Variants in RAB4B observed in about 807,000 individuals in gnomAD.
RAB4B encodes the protein RAB4B, member RAS oncogene family.
RAB4B carries 15 observed loss-of-function variants against 28.3 expected under a neutral mutation model. The observed-to-expected ratio is 0.53, with a 90% confidence interval of 0.35 to 0.82. The LOEUF is 0.82. RAB4B is among the 40% of genes least tolerant of loss of function. The pLI is 0.01. For synonymous variants in RAB4B, 108 were observed against 116.3 expected, an observed-to-expected ratio of 0.93 and a Z score of 0.46; for missense variants, 244 against 288.5, an observed-to-expected ratio of 0.85 and a Z score of 1.12.
chr19:40,780,210 G>A (rs1400006385), intron 2 of RAB4B, 111 bp downstream of exon 2: 4 of 1,516,214 alleles, frequency 2.6e-6, no homozygotes, highest in East Asian at 4.5e-5. Flanking sequence ...CAAGTCCAGT[G>A]CTGGCTTTTT....
intron 1 of RAB4B, 72 bp from the exon 2 acceptor site, chr19:40,779,947 T>C: frequency 6.2e-7 from 1 of 1,609,480 alleles, no homozygotes; most frequent in East Asian, 2.2e-5. Context: ...AGAGATTGGA[T>C]TGGAATCCAT....
intron 7 of RAB4B, among the ~76,000 whole-genome samples, chr19:40,788,345 G>A (rs764146222): frequency 6.6e-6 from 1 of 151,788 alleles, no homozygotes; most frequent in African/African-American, 2.4e-5. Flanking sequence ...TTAGCGAGGC[G>A]TGGTGGTGTG....
intron 5 of RAB4B, chr19:40,785,852 GAC>G (rs1296976118): frequency 6.5e-6 from 1 of 154,822 alleles, no homozygotes; most frequent in Non-Finnish European, 1.4e-5. Context: ...TCCAGACAGT[GAC>G]ACCTCAGGAA....
intron 7 of RAB4B, among the ~76,000 whole-genome samples, chr19:40,795,273 C>T (rs1203162986): frequency 1.3e-5 from 2 of 151,508 alleles, no homozygotes; most frequent in African/African-American, 4.9e-5. Flanking sequence ...ACTAACCTAA[C>T]GTTGTCTCCC....
chr19:40,781,660 G>A (rs936779731), intron 3 of RAB4B, among the ~76,000 whole-genome samples: 3 of 151,790 alleles, frequency 2.0e-5, no homozygotes, highest in East Asian at 1.9e-4. Context: ...AGAGAAATGC[G>A]TAGGGCTCAA....
chr19:40,789,108 T>A (rs2083132178), intron 7 of RAB4B, among the ~76,000 whole-genome samples: 1 of 151,814 alleles, frequency 6.6e-6, no homozygotes, highest in Non-Finnish European at 1.5e-5. Context: ...TTGGCCAGGC[T>A]GGTATCAAAC....
intron 2 of RAB4B, 137 bp from the exon 3 acceptor site, chr19:40,780,248 C>T (rs2083034154): frequency 6.9e-7 from 1 of 1,439,960 alleles, no homozygotes; most frequent in Admixed American, 2.4e-5. Flanking sequence ...ATGTCCTTTA[C>T]TAGGTTCTCC....
chr19:40,789,820 A>T (rs2083140297), intron 7 of RAB4B, among the ~76,000 whole-genome samples: 1 of 152,218 alleles, frequency 6.6e-6, no homozygotes, highest in African/African-American at 2.4e-5. Flanking sequence ...TTTAAACAAG[A>T]TGAGGAGGGA....
chr19:40,784,447 C>T (rs1039505714), intron 5 of RAB4B, among the ~76,000 whole-genome samples: 2 of 152,132 alleles, frequency 1.3e-5, no homozygotes, highest in Non-Finnish European at 2.9e-5. Flanking sequence ...GAGCTGTGAT[C>T]ACGCCATTGT....
chr19:40,786,300 A>C, intron 5 of RAB4B: 1 of 319,492 alleles, frequency 3.1e-6, no homozygotes. Context: ...CAGAAGGGTC[A>C]GGGGTGGGAT....
chr19:40,786,538 C>A, intron 5 of RAB4B, 127 bp from the exon 6 acceptor site: 1 of 1,410,782 alleles, frequency 7.1e-7, no homozygotes, highest in Non-Finnish European at 9.6e-7. Flanking sequence ...ATGGCATGCG[C>A]AGAGGCCTGA....
Position 40,786,753 on chromosome 19 carries a change from T to C in RAB4B, c.519T>C (p.Ile173=). ...LKCARTILNK[I]DSGELDPERM... is the part of the protein sequence containing the mutation. Reference sequence around the variant, plus strand: ...GTGCCCGCACTATCCTCAACAAGATTGACTCAGGTGAGGCCCCGACCGGCC... The same window carrying C: ...GTGCCCGCACTATCCTCAACAAGATCGACTCAGGTGAGGCCCCGACCGGCC... Residue 173 remains isoleucine (I), a synonymous_variant, in exon 6 of 8, where the codon ATT becomes ATC. Coordinates refer to ENST00000357052, the MANE Select transcript of RAB4B (RefSeq NM_016154.5). The C allele has an allele frequency of 6.2e-7, 1 of 1,614,038 alleles. No individual in the cohort carries two copies. The highest frequency in any genetic ancestry group is 8.5e-7 in the Non-Finnish European group (1 of 1,179,956).
intron 7 of RAB4B, among the ~76,000 whole-genome samples, chr19:40,789,713 T>C (rs2083139243): frequency 6.7e-6 from 1 of 149,890 alleles, no homozygotes; most frequent in South Asian, 2.1e-4. Flanking sequence ...GTTGGCCAGG[T>C]TGGTCTCGAT....
At chr19:40,793,572 G>GTTTTTTTTTTTTTTTTTTTTTTTTA (rs373163247) in intron 7 of RAB4B, among the ~76,000 whole-genome samples, 1 of 125,414 alleles carries the variant, frequency 8.0e-6, no homozygotes, top group Non-Finnish European at 1.6e-5. Flanking sequence ...TTTCTTTTTT[G>GTTTTTTTTTTTTTTTTTTTTTTTTA]TTTTTTTTTT....
At chr19:40,791,376 A>G (rs1286379892) in intron 7 of RAB4B, among the ~76,000 whole-genome samples, 2 of 151,946 alleles carry the variant, frequency 1.3e-5, no homozygotes, top group African/African-American at 2.4e-5. Context: ...CCATCCATGC[A>G]TCTCAGGGCC....
In RAB4B at chr19:40,786,778, CCGAG is replaced by C; in HGVS notation, c.526+19_526+22del. ...TGACTCAGGTGAGGCCCCGACCGGC[CCGAG>C]TGGGAGCGAAGGGCAGGCCCGGGGG... On this transcript the variant is annotated intron_variant, in intron 6 of 7. Coordinates refer to ENST00000357052, the MANE Select transcript of RAB4B (RefSeq NM_016154.5). The C allele has an allele frequency of 1.2e-6, 2 of 1,614,120 alleles. No homozygotes were observed. The highest frequency in any genetic ancestry group is 1.7e-6 in the Non-Finnish European group (2 of 1,179,992).
At chr19:40,778,991 T>G (rs1005140933) in intron 1 of RAB4B, 1 of 984,716 alleles carries the variant, frequency 1.0e-6, no homozygotes, top group African/African-American at 1.8e-5. Context: ...GGTTTAGGAG[T>G]CAGAGGGAGC....
In RAB4B at chr19:40,795,862, C is replaced by T. The variant is rs557009616; in HGVS notation, c.*16-708C>T. Among the ~76,000 whole-genome samples, 3 of 152,142 alleles carry T rather than the reference C, an allele frequency of 2.0e-5. No individual in the cohort carries two copies. The South Asian group carries it at 6.2e-4, about 32-fold the overall frequency. On this transcript the variant is annotated intron_variant, in intron 7 of 7. Coordinates refer to ENST00000357052, the MANE Select transcript of RAB4B (RefSeq NM_016154.5). ...AGCTGGGATTACAGGCATGTGCCAC[C>T]ACACCTGGCTAATTTTGTATTTTTA...
intron 7 of RAB4B, among the ~76,000 whole-genome samples, chr19:40,789,048 G>A (rs1335169322): frequency 3.3e-5 from 5 of 151,856 alleles, no homozygotes; most frequent in African/African-American, 9.7e-5. Context: ...TCAAAGTGCC[G>A]GGATTACAGT....
Sources: allele counts gnomAD v4.1 joint callset (sites outside exome capture counted in the v4.1 genomes callset), GRCh38; gene constraint gnomAD v4.1.1; transcripts MANE v1.5; gene names NCBI Gene and HGNC (gene_info 2026-07-23, HGNC 2026-07-21).